The following DAB2IP variants were observed in gnomAD, a reference collection of about 807,000 sequenced individuals.
DAB2IP encodes DAB2 interacting protein, also known as disabled homolog 2-interacting protein.
DAB2IP carries 28 observed loss-of-function variants against 107.2 expected under a neutral mutation model. The observed-to-expected ratio is 0.26, with a 90% confidence interval of 0.19 to 0.36. DAB2IP has a LOEUF of 0.36. Ranked by LOEUF, DAB2IP falls within the 10% of genes least tolerant of loss-of-function variation. DAB2IP has a pLI of 1.00. For missense variants in DAB2IP, 1,400 were observed against 1,644.7 expected (o/e 0.85, Z 2.57); for synonymous variants, 755 against 706.4 (o/e 1.07, Z -1.09).
Position 121,773,498 on chromosome 9 carries a change from C to A in DAB2IP, c.2967+3C>A. ...AGCCACGGGCAGTGCACAAGCAGGT[C>A]AGTGCTGCTAGTCAGAGGGCAGGGC... On this transcript the variant is annotated splice_donor_region_variant and intron_variant, in intron 12 of 15. Coordinates refer to ENST00000408936, the Ensembl canonical transcript of DAB2IP. 1 of 1,498,156 alleles carries A rather than the reference C, an allele frequency of 6.7e-7. No homozygotes were observed. Among genetic ancestry groups the A allele is most frequent in the Non-Finnish European group, 8.9e-7 (1 of 1,124,468 alleles). The allele number at this position is 1,498,156 out of a possible 1,614,324, so 92.8% of individuals were successfully genotyped here.
chr9:121,569,859 A>C (rs1480677369), intron 1 of DAB2IP, among the ~76,000 whole-genome samples: 2 of 152,208 alleles, frequency 1.3e-5, no homozygotes, highest in Non-Finnish European at 2.9e-5. Context: ...ATGTGATCAA[A>C]GGTCACTGCA....
At chr9:121,570,595 C>T (rs1425513597) in intron 1 of DAB2IP, among the ~76,000 whole-genome samples, 1 of 152,182 alleles carries the variant, frequency 6.6e-6, no homozygotes, top group Non-Finnish European at 1.5e-5. Flanking sequence ...GTCACCCAGG[C>T]TAGAGTGCAA....
Position 121,651,652 on chromosome 9 carries a change from GGGCCTC to G in DAB2IP, c.-120_-115del. 9.3e-7 allele frequency: 1 copy of G among 1,076,460 alleles called. No individual in the cohort carries two copies. Among genetic ancestry groups the G allele is most frequent in the Non-Finnish European group, 1.1e-6 (1 of 890,490 alleles). The allele number at this position is 1,076,460 out of a possible 1,614,324, so 66.7% of individuals were successfully genotyped here. On this transcript the variant is annotated 5_prime_UTR_variant, in exon 1 of 16. Transcript: ENST00000408936. The surrounding 1 kb of genome is among the most constrained non-coding windows in gnomAD (Gnocchi z 5.1). ...TTTGAGCGACTTTGTGGGGCAGCCA[GGGCCTC>G]GGCGGCCGCTCGGGCGAGCGCGGGA...
chr9:121,739,589 T>G (rs1420856927), intron 3 of DAB2IP, among the ~76,000 whole-genome samples: 1 of 151,750 alleles, frequency 6.6e-6, no homozygotes, highest in Admixed American at 6.6e-5. Context: ...TCAGAGGGGG[T>G]AGCAGCAGGA....
In DAB2IP at chr9:121,651,923, C is replaced by A. The variant is rs1832759874; in HGVS notation, c.124+24C>A. The A allele has an allele frequency of 1.4e-5, 19 of 1,338,604 alleles. No homozygotes were observed. The highest frequency in any genetic ancestry group is 1.8e-5 in the Non-Finnish European group (19 of 1,037,544). The allele number at this position is 1,338,604 out of a possible 1,614,324, so 82.9% of individuals were successfully genotyped here. A position where few individuals can be genotyped will look rare whatever the true frequency, so the allele number is the denominator to read the frequency against. On this transcript the variant is annotated intron_variant, in intron 1 of 15. Coordinates refer to ENST00000408936, the Ensembl canonical transcript of DAB2IP. The surrounding 1 kb of genome is among the most constrained non-coding windows in gnomAD (Gnocchi z 5.1). ...GGGTAGGCGCCACCCCGACCCCTGA[C>A]CCCTAGACCCTCCTAAGGCCACTAA...
intron 1 of DAB2IP, among the ~76,000 whole-genome samples, chr9:121,676,904 A>G (rs1319895190): frequency 6.6e-6 from 1 of 152,202 alleles, no homozygotes; most frequent in Non-Finnish European, 1.5e-5. Flanking sequence ...CAGTGAGGAA[A>G]GTGGCCAGGT....
At chr9:121,781,655 A>C in intron 15 of DAB2IP, 104 bp downstream of exon 15, 1 of 1,180,128 alleles carries the variant, frequency 8.5e-7, no homozygotes, top group Admixed American at 1.9e-5. Context: ...GCAGACACTG[A>C]GGGGAATAAG....
intron 1 of DAB2IP, among the ~76,000 whole-genome samples, chr9:121,652,424 G>T (rs975090381): frequency 6.6e-6 from 1 of 152,182 alleles, no homozygotes; most frequent in Non-Finnish European, 1.5e-5. Context: ...CAGGAGGCAG[G>T]ACGAGACGGA....
At chr9:121,749,019 G>C (rs1272528860) in intron 3 of DAB2IP, among the ~76,000 whole-genome samples, 1 of 152,184 alleles carries the variant, frequency 6.6e-6, no homozygotes, top group African/African-American at 2.4e-5. Flanking sequence ...CACGCCTCTG[G>C]GCCCTGTCAT....
rs1047747500 is a variant in DAB2IP, at chr9:121,782,582, C to T, written c.*84C>T. On this transcript the variant is annotated 3_prime_UTR_variant, in exon 16 of 16. Transcript: ENST00000408936. The surrounding 1 kb of genome is among the most constrained non-coding windows in gnomAD (Gnocchi z 6.1). ...GGGTCTCGGCCTGGGGAGGCACCCA[C>T]GGTTGCAGCCCCAGCGCGGGTGTCA... The T allele has an allele frequency of 3.1e-5, 48 of 1,557,048 alleles. No homozygotes were observed. The highest frequency in any genetic ancestry group is 9.7e-5 in the South Asian group (8 of 82,484).
At chr9:121,685,617 G>A (rs370699822) in intron 2 of DAB2IP, among the ~76,000 whole-genome samples, 6 of 152,220 alleles carry the variant, frequency 3.9e-5, no homozygotes, top group South Asian at 4.1e-4. Context: ...GCCTTGCTGC[G>A]GTGTGAACGA....
chr9:121,602,933 C>T (rs542270236), intron 1 of DAB2IP, among the ~76,000 whole-genome samples: 7 of 152,280 alleles, frequency 4.6e-5, no homozygotes, highest in African/African-American at 1.4e-4. Context: ...TGGTCTTGAT[C>T]TCCTAAGTTC....
chr9:121,750,509 T>C (rs1187748350), intron 3 of DAB2IP, among the ~76,000 whole-genome samples: 1 of 152,178 alleles, frequency 6.6e-6, no homozygotes, highest in African/African-American at 2.4e-5. Context: ...GCCTGGCCCA[T>C]TCAAGGACAG....
intron 14 of DAB2IP, among the ~76,000 whole-genome samples, chr9:121,779,974 T>G (rs16910972): frequency 0.34 from 51,044 of 152,108 alleles, 9,594 homozygotes; most frequent in African/African-American, 0.52. Flanking sequence ...CACTGGGCTC[T>G]CCTTGTTGGT....
chr9:121,675,957 G>A (rs557264087), intron 1 of DAB2IP, among the ~76,000 whole-genome samples: 7 of 152,344 alleles, frequency 4.6e-5, no homozygotes, highest in Admixed American at 3.3e-4. Flanking sequence ...TGACTAGAGA[G>A]ATTGTGGAGG....
chr9:121,761,496 G>A (rs924526673), intron 6 of DAB2IP, among the ~76,000 whole-genome samples: 8 of 152,320 alleles, frequency 5.3e-5, no homozygotes, highest in East Asian at 1.9e-4. Context: ...CACAAGACTC[G>A]TGGAGGTCCC....
Position 121,599,623 on chromosome 9 carries a change from C to T in DAB2IP, c.40+32395C>T, listed in dbSNP as rs552436694. On this transcript the variant is annotated intron_variant, in intron 1 of 16. Transcript: ENST00000259371. The surrounding 1 kb of genome is among the most constrained non-coding windows in gnomAD (Gnocchi z 6.9). ...CGCCTACTCCGCCCGCCCCGCTCCA[C>T]TCGGCCCAGCTGGCGCGAAGGAAAC... Among the ~76,000 whole-genome samples the T allele has an allele frequency of 6.6e-6, 1 of 152,278 alleles. No individual in the cohort carries two copies. The highest frequency in any genetic ancestry group is 2.4e-5 in the African/African-American group (1 of 41,572).
chr9:121,703,977 C>G (rs1829925364), intron 3 of DAB2IP, among the ~76,000 whole-genome samples: 2 of 152,178 alleles, frequency 1.3e-5, no homozygotes, highest in African/African-American at 4.8e-5. Context: ...TTCCTGCTTA[C>G]ACCTGGGAAA....
intron 3 of DAB2IP, among the ~76,000 whole-genome samples, chr9:121,752,682 T>C (rs1833207477): frequency 6.6e-6 from 1 of 152,176 alleles, no homozygotes; most frequent in Non-Finnish European, 1.5e-5. Flanking sequence ...CCTGGTCAGG[T>C]GGAGCAGGGA....
Sources: allele counts gnomAD v4.1 joint callset (sites outside exome capture counted in the v4.1 genomes callset), GRCh38; gene constraint gnomAD v4.1.1; non-coding constraint Gnocchi (gnomAD v3.1); transcripts MANE v1.5; gene names NCBI Gene and HGNC (gene_info 2026-07-23, HGNC 2026-07-21).